Variants in ALMS1 observed in about 807,000 individuals in gnomAD.
ALMS1 encodes ALMS1 centrosome and basal body associated protein.
In ALMS1, 271 loss-of-function variants were observed where a neutral mutation model predicts 352.2. The ratio of observed to expected loss-of-function variants is 0.77; its 90% CI spans 0.70 to 0.85. The LOEUF (loss-of-function observed/expected upper bound fraction) is 0.85. ALMS1 is among the 40% of genes least tolerant of loss of function. The pLI is 0.00. For synonymous variants in ALMS1, 1,865 were observed against 1,761.2 expected, an observed-to-expected ratio of 1.06 and a Z score of -1.48; for missense variants, 5,445 against 4,870.7, an observed-to-expected ratio of 1.12 and a Z score of -3.51.
chr2:73,606,822 T>C (rs1012773437), intron 21 of ALMS1, among the ~76,000 whole-genome samples: 1 of 152,220 alleles, frequency 6.6e-6, no homozygotes, highest in Non-Finnish European at 1.5e-5. Context: ...CTGGAGCCTG[T>C]GTTACTCATC....
intron 3 of ALMS1, among the ~76,000 whole-genome samples, chr2:73,421,166 A>T (rs1671277108): frequency 6.6e-6 from 1 of 152,186 alleles, no homozygotes; most frequent in Admixed American, 6.5e-5. Flanking sequence ...ATTTAAGGAG[A>T]TGCTGAAATG....
At chr2:73,474,247 G>A (rs561911219) in intron 9 of ALMS1, among the ~76,000 whole-genome samples, 14 of 151,950 alleles carry the variant, frequency 9.2e-5, no homozygotes, top group Non-Finnish European at 2.1e-4. Flanking sequence ...TTAAAAAATT[G>A]AGAATTTTTT....
At chr2:73,409,652 A>G (rs1671037936) in intron 2 of ALMS1, among the ~76,000 whole-genome samples, 2 of 152,132 alleles carry the variant, frequency 1.3e-5, no homozygotes, top group Admixed American at 6.5e-5. Context: ...GCTTACTAGA[A>G]CTCAGTTGGT....
At chr2:73,496,050 C>T (rs758942198) in intron 10 of ALMS1, among the ~76,000 whole-genome samples, 3 of 152,152 alleles carry the variant, frequency 2.0e-5, no homozygotes, top group South Asian at 4.1e-4. Context: ...AGTATGAGTA[C>T]GTGATTCATT....
chr2:73,491,343 A>G lies in ALMS1; in HGVS notation c.9384A>G (p.Val3128=), dbSNP rs752453102. The stretch of plus-strand genomic sequence containing the variant: ...AATCTTCACTGGATTTCCAAGTCGT[A>G]CAGCCTTCTCTTCCAGACAGTAACA... ...GPKSSLDFQV[V]QPSLPDSNTI... The change falls in exon 10 of 23, where the codon GTA becomes GTG. Residue 3128 remains valine (V), a synonymous_variant. Coordinates refer to ENST00000613296, the MANE Select transcript of ALMS1 (RefSeq NM_001378454.1). The G allele has an allele frequency of 9.9e-6, 16 of 1,614,096 alleles. No homozygotes were observed. In the East Asian group the frequency reaches 3.3e-4, roughly 34 times the overall value.
At chr2:73,474,395 G>GTC (rs1200782293) in intron 9 of ALMS1, among the ~76,000 whole-genome samples, 3 of 60,412 alleles carry the variant, frequency 5.0e-5, no homozygotes, top group Admixed American at 4.9e-4. Context: ...GTGTGTGTGT[G>GTC]TGTGTGTGTG....
intron 16 of ALMS1, among the ~76,000 whole-genome samples, chr2:73,578,891 C>T (rs1315705592): frequency 2.0e-5 from 3 of 148,626 alleles, no homozygotes; most frequent in African/African-American, 7.8e-5. Context: ...TTTCTTATGC[C>T]TTATTTCTAT....
chr2:73,556,859 C>A (rs556718415), intron 13 of ALMS1, among the ~76,000 whole-genome samples: 1 of 151,936 alleles, frequency 6.6e-6, no homozygotes. Context: ...TGCACCACGA[C>A]GCCTGCTAGT....
chr2:73,424,939 CAATT>C, intron 5 of ALMS1, 37 bp downstream of exon 5: 4 of 1,502,506 alleles, frequency 2.7e-6, no homozygotes, highest in African/African-American at 1.4e-5. Flanking sequence ...TCATCTGACA[CAATT>C]GATAAAAATA....
At chr2:73,430,626 T>A (rs1350164674) in intron 6 of ALMS1, among the ~76,000 whole-genome samples, 1 of 152,178 alleles carries the variant, frequency 6.6e-6, no homozygotes, top group Non-Finnish European at 1.5e-5. Context: ...AATACTGTAT[T>A]TTTACTGTAC....
chr2:73,565,496 T>G (rs1370656274), intron 15 of ALMS1, among the ~76,000 whole-genome samples: 1 of 152,174 alleles, frequency 6.6e-6, no homozygotes, highest in African/African-American at 2.4e-5. Flanking sequence ...TTCTAAATAA[T>G]GTATGTAGAT....
chr2:73,403,930 C>T (rs1670920849), intron 1 of ALMS1, among the ~76,000 whole-genome samples: 1 of 152,160 alleles, frequency 6.6e-6, no homozygotes. Flanking sequence ...GACAGAGTCT[C>T]ACTCTGTTGC....
intron 2 of ALMS1, among the ~76,000 whole-genome samples, chr2:73,413,936 C>A (rs1023826033): frequency 6.6e-6 from 1 of 152,126 alleles, no homozygotes; most frequent in East Asian, 1.9e-4. Context: ...AATAACTGTA[C>A]TGTCTTAAAA....
At chr2:73,407,234 CATG>C (rs1438224806) in intron 1 of ALMS1, among the ~76,000 whole-genome samples, 1 of 152,112 alleles carries the variant, frequency 6.6e-6, no homozygotes, top group African/African-American at 2.4e-5. Flanking sequence ...AGTCCACTCT[CATG>C]ATAAGCCATT....
chr2:73,434,932 G>T (rs1376009334), intron 7 of ALMS1, among the ~76,000 whole-genome samples: 1 of 152,160 alleles, frequency 6.6e-6, no homozygotes, highest in Non-Finnish European at 1.5e-5. Context: ...GAGTAGCTGG[G>T]ACTATAGGCG....
chr2:73,409,199 T>C (rs534489851), intron 2 of ALMS1, among the ~76,000 whole-genome samples: 1 of 152,308 alleles, frequency 6.6e-6, no homozygotes, highest in African/African-American at 2.4e-5. Context: ...TTCTAATAGA[T>C]TGTTGTAAAC....
intron 7 of ALMS1, among the ~76,000 whole-genome samples, chr2:73,433,012 G>A (rs2103736497): frequency 6.7e-6 from 1 of 149,758 alleles, no homozygotes; most frequent in Middle Eastern, 3.5e-3. Flanking sequence ...TGAGGTAAAA[G>A]CAAGATTATC....
intron 7 of ALMS1, among the ~76,000 whole-genome samples, chr2:73,439,573 G>A (rs1453321675): frequency 6.6e-6 from 1 of 152,126 alleles, no homozygotes; most frequent in Non-Finnish European, 1.5e-5. Flanking sequence ...ATGGAGTCTT[G>A]CTCTGTCACC....
In ALMS1 at chr2:73,489,779, C is replaced by G. The variant is rs140223281; in HGVS notation, c.7820C>G (p.Ala2607Gly). The change falls in exon 10 of 23, where the codon GCT becomes GGT. Residue 2607 changes from alanine (A) to glycine (G), a missense_variant. Transcript: ENST00000613296. ...LDRHPCAFRS[A>G]GPSEMTRGRQ... Reference sequence around the variant, plus strand: ...AGACACCCTTGTGCTTTCAGATCTGCTGGACCCTCAGAAATGACCAGAGGA... The same window carrying G: ...AGACACCCTTGTGCTTTCAGATCTGGTGGACCCTCAGAAATGACCAGAGGA... The G allele has an allele frequency of 4.6e-4, 750 of 1,614,150 alleles. No homozygotes were observed. The highest frequency in any genetic ancestry group is 4.9e-4 in the Non-Finnish European group (578 of 1,180,038).
Sources: allele counts gnomAD v4.1 joint callset (sites outside exome capture counted in the v4.1 genomes callset), GRCh38; gene constraint gnomAD v4.1.1; transcripts MANE v1.5; gene names NCBI Gene and HGNC (gene_info 2026-07-23, HGNC 2026-07-21).